SEM1: variants seen among roughly 807,000 people sequenced by gnomAD.
The protein encoded by SEM1 is 26S proteasome complex subunit SEM1.
Under a neutral mutation model 12.7 loss-of-function variants are expected in SEM1, and 3 were observed. That is an observed-to-expected ratio of 0.24 (90% CI 0.11 to 0.61). The LOEUF (loss-of-function observed/expected upper bound fraction) is 0.61. SEM1 is among the 20% of genes least tolerant of loss of function. SEM1 has a pLI of 0.88. For missense variants in SEM1, 59 were observed against 81.3 expected (o/e 0.73, Z 1.06); for synonymous variants, 30 against 27.8 (o/e 1.08, Z -0.25).
At chr7:96,692,500 T>C (rs1789958993) in intron 2 of SEM1, among the ~76,000 whole-genome samples, 1 of 152,158 alleles carries the variant, frequency 6.6e-6, no homozygotes, top group Non-Finnish European at 1.5e-5. Flanking sequence ...AAAGGGAATG[T>C]ATATTTTTCA....
chr7:96,526,019 C>A (rs12704849), intron 2 of SEM1, among the ~76,000 whole-genome samples: 3 of 152,028 alleles, frequency 2.0e-5, no homozygotes, highest in Non-Finnish European at 4.4e-5. Context: ...GGTTGCACAA[C>A]CATGACCTCA....
intron 2 of SEM1, among the ~76,000 whole-genome samples, chr7:96,553,468 T>C (rs550437020): frequency 2.7e-5 from 4 of 150,084 alleles, no homozygotes; most frequent in Admixed American, 2.7e-4. Flanking sequence ...TCCCCATTGC[T>C]TGTTTTTCTC....
At chr7:96,582,122 T>G (rs1313959094) in intron 2 of SEM1, among the ~76,000 whole-genome samples, 3 of 150,864 alleles carry the variant, frequency 2.0e-5, no homozygotes, top group South Asian at 2.1e-4. Context: ...CATAGATAGC[T>G]CTTATTATTT....
intron 2 of SEM1, among the ~76,000 whole-genome samples, chr7:96,520,208 A>G (rs547120041): frequency 6.6e-6 from 1 of 152,284 alleles, no homozygotes; most frequent in East Asian, 1.9e-4. Context: ...TTATTTTGCA[A>G]TGAGATAAGA....
At chr7:96,603,909 C>T (rs757940312) in intron 2 of SEM1, among the ~76,000 whole-genome samples, 52 of 150,752 alleles carry the variant, frequency 3.4e-4, no homozygotes, top group Non-Finnish European at 4.9e-4. Flanking sequence ...AATATGGAGA[C>T]GCTTCAGGCC....
intron 2 of SEM1, among the ~76,000 whole-genome samples, chr7:96,598,999 G>A (rs1055685755): frequency 2.6e-5 from 4 of 151,948 alleles, no homozygotes; most frequent in African/African-American, 4.8e-5. Flanking sequence ...GGGAAGCTGT[G>A]CCAACAGAAA....
rs1301830356 is a variant in SEM1, at chr7:96,528,110, T to C, written c.171-21412A>G. ...TCAGGGACAATTTATGGTATATGTA[T>C]AGAAGTTTTGTGCAGTCAGATTGGC... On this transcript the variant is annotated intron_variant and NMD_transcript_variant, in intron 2 of 3. Transcript: ENST00000466986. 2.0e-5 allele frequency among the ~76,000 whole-genome samples: 3 copies of C among 152,278 alleles called. No homozygotes were observed. The East Asian group carries it at 5.8e-4, about 29-fold the overall frequency.
chr7:96,622,343 G>T, downstream of SEM1: 1 of 457,244 alleles, frequency 2.2e-6, no homozygotes, highest in Non-Finnish European at 3.9e-6. Flanking sequence ...ATAAAAGACA[G>T]GAAAAGATGC....
chr7:96,687,700 G>A (rs1411520774), downstream of SEM1, among the ~76,000 whole-genome samples: 5 of 151,858 alleles, frequency 3.3e-5, no homozygotes, highest in Non-Finnish European at 7.4e-5. Context: ...GAGTTAATGG[G>A]TGCAGCACAC....
intron 2 of SEM1, among the ~76,000 whole-genome samples, chr7:96,606,788 T>C (rs932395280): frequency 1.3e-5 from 2 of 152,190 alleles, no homozygotes; most frequent in African/African-American, 2.4e-5. Flanking sequence ...TAGGCACATT[T>C]GTACCATTTT....
intron 2 of SEM1, among the ~76,000 whole-genome samples, chr7:96,662,668 C>T (rs1311818147): frequency 6.6e-6 from 1 of 152,040 alleles, no homozygotes; most frequent in East Asian, 1.9e-4. Context: ...CACATGTATC[C>T]CAGAACTTAA....
downstream of SEM1, chr7:96,688,192 T>A (rs2115800138): frequency 6.6e-6 from 1 of 152,260 alleles, no homozygotes; most frequent in African/African-American, 2.4e-5. Flanking sequence ...GCAACAGCTA[T>A]CACTCTGTGA....
At chr7:96,550,294 C>T (rs1055600611) in intron 2 of SEM1, among the ~76,000 whole-genome samples, 2 of 152,140 alleles carry the variant, frequency 1.3e-5, no homozygotes, top group Non-Finnish European at 1.5e-5. Flanking sequence ...TCCCCAGACT[C>T]ATGTTTAATT....
At chr7:96,680,368 AC>A (rs1427989645) in intron 2 of SEM1, among the ~76,000 whole-genome samples, 1 of 152,100 alleles carries the variant, frequency 6.6e-6, no homozygotes, top group African/African-American at 2.4e-5. Context: ...TGGGAGTTCT[AC>A]TTTTAAGGAA....
At chr7:96,520,566 C>T (rs903084546) in intron 2 of SEM1, among the ~76,000 whole-genome samples, 1 of 152,112 alleles carries the variant, frequency 6.6e-6, no homozygotes, top group African/African-American at 2.4e-5. Flanking sequence ...TGGTGGGTTA[C>T]TCTCTAGTCT....
intron 2 of SEM1, among the ~76,000 whole-genome samples, chr7:96,690,472 CA>C (rs1423662060): frequency 6.6e-6 from 1 of 151,762 alleles, no homozygotes; most frequent in African/African-American, 2.4e-5. Context: ...TTTAAAAAAC[CA>C]AAAGAAAAAA....
chr7:96,497,468 A>G (rs893564345), upstream of SEM1, among the ~76,000 whole-genome samples: 21 of 152,328 alleles, frequency 1.4e-4, no homozygotes, highest in East Asian at 1.9e-4. Flanking sequence ...AAATTGATAC[A>G]TGTATTTAAT....
intron 2 of SEM1, among the ~76,000 whole-genome samples, chr7:96,629,937 T>C (rs1808193967): frequency 1.3e-5 from 2 of 152,226 alleles, no homozygotes; most frequent in Non-Finnish European, 2.9e-5. Flanking sequence ...TTCTGTGGAT[T>C]ACCAGACTGA....
downstream of SEM1, among the ~76,000 whole-genome samples, chr7:96,672,279 G>A (rs1407771962): frequency 6.6e-6 from 1 of 152,188 alleles, no homozygotes; most frequent in Non-Finnish European, 1.5e-5. Context: ...GCTGGCCACT[G>A]AGCTGTAGAA....
Sources: gnomAD v4.1 joint callset for allele counts (sites outside exome capture counted in the v4.1 genomes callset) on GRCh38, gnomAD v4.1.1 for gene constraint, MANE v1.5 for transcripts, NCBI Gene and HGNC (gene_info 2026-07-23, HGNC 2026-07-21) for gene names.